The following ANXA3 variants were observed in gnomAD, a reference collection of about 807,000 sequenced individuals.
ANXA3 encodes the protein annexin A3.
In ANXA3, 46 loss-of-function variants were observed where a neutral mutation model predicts 48.8. That is an observed-to-expected ratio of 0.94 (90% CI 0.74 to 1.21). The LOEUF (loss-of-function observed/expected upper bound fraction) is 1.21, where lower values mean the gene tolerates loss of function less well. ANXA3 is among the 50% of genes most tolerant of loss of function. The probability of loss-of-function intolerance (pLI) is 0.00; values close to 1 mark genes in which losing one functional copy is unlikely to be tolerated. For missense variants in ANXA3, 383 were observed against 378.6 expected (o/e 1.01, Z -0.10); for synonymous variants, 128 against 134.7 (o/e 0.95, Z 0.35).
chr4:78,585,229 A>G (rs923628492), intron 5 of ANXA3, among the ~76,000 whole-genome samples: 1 of 152,238 alleles, frequency 6.6e-6, no homozygotes, highest in African/African-American at 2.4e-5. Context: ...TAGATTCACC[A>G]ATAAGTATTA....
chr4:78,568,653 C>G (rs1021073095), intron 2 of ANXA3, among the ~76,000 whole-genome samples: 4 of 152,220 alleles, frequency 2.6e-5, no homozygotes, highest in Non-Finnish European at 5.9e-5. Context: ...AAATGTTTAA[C>G]TTCTTGCAAA....
At chr4:78,569,933 A>G (rs1382597277) in intron 2 of ANXA3, among the ~76,000 whole-genome samples, 1 of 152,228 alleles carries the variant, frequency 6.6e-6, no homozygotes, top group Non-Finnish European at 1.5e-5. Flanking sequence ...AATTCACCTC[A>G]TGAAGGCTCT....
chr4:78,584,318 ACACACCAC>A, intron 5 of ANXA3, among the ~76,000 whole-genome samples: 1 of 152,118 alleles, frequency 6.6e-6, no homozygotes, highest in East Asian at 1.9e-4. Context: ...GACTGCAGGC[ACACACCAC>A]CACACCTGGC....
At chr4:78,598,480 G>A (rs139505117) in intron 10 of ANXA3, among the ~76,000 whole-genome samples, 1 of 152,106 alleles carries the variant, frequency 6.6e-6, no homozygotes, top group East Asian at 1.9e-4. Flanking sequence ...TTCTCAGACT[G>A]TTCCAGTGGT....
At chr4:78,573,106 T>C in intron 2 of ANXA3, 74 bp from the exon 3 acceptor site, 1 of 1,094,572 alleles carries the variant, frequency 9.1e-7, no homozygotes, top group Non-Finnish European at 1.4e-6. Flanking sequence ...CTCATATGCA[T>C]GAAGGAATAT....
At chr4:78,601,622 A>G in intron 11 of ANXA3, 54 bp downstream of exon 11, 1 of 1,426,138 alleles carries the variant, frequency 7.0e-7, no homozygotes. Flanking sequence ...CCCTTGGGAA[A>G]GTATGCAAAT....
rs757905507 is a variant in ANXA3, at chr4:78,586,307, G to T, written c.360G>T (p.Arg120Ser). ...EDALIEILTT[R>S]TSRQMKDISQ... is the part of the protein sequence containing the mutation. ...CCTTGATTGAAATCTTAACTACCAG[G>T]ACAAGCAGGCAAATGAAGGATATCT... Residue 120 changes from arginine (R) to serine (S), a missense_variant, in exon 6 of 13, where the codon AGG becomes AGT. By Grantham distance (110) the Arg-to-Ser change is moderately radical (BLOSUM62 -1). Coordinates refer to ENST00000264908, the MANE Select transcript of ANXA3 (RefSeq NM_005139.3). The T allele has an allele frequency of 2.0e-5, 33 of 1,613,628 alleles. No individual in the cohort carries two copies. Among genetic ancestry groups the T allele is most frequent in the Non-Finnish European group, 2.8e-5 (33 of 1,179,770 alleles).
intron 6 of ANXA3, among the ~76,000 whole-genome samples, chr4:78,590,657 C>A (rs1412337053): frequency 6.6e-6 from 1 of 152,036 alleles, no homozygotes; most frequent in African/African-American, 2.4e-5. Context: ...AAAGGGGCTA[C>A]AACTAGTCAG....
At chr4:78,588,518 A>C (rs1487770141) in intron 6 of ANXA3, among the ~76,000 whole-genome samples, 1 of 152,222 alleles carries the variant, frequency 6.6e-6, no homozygotes. Context: ...TGAGGCTATC[A>C]GAAACTGGAA....
intron 5 of ANXA3, among the ~76,000 whole-genome samples, chr4:78,583,951 G>T (rs1343043927): frequency 6.6e-6 from 1 of 152,134 alleles, no homozygotes; most frequent in Non-Finnish European, 1.5e-5. Flanking sequence ...TTATAGCCTG[G>T]CCAAGTTGGC....
chr4:78,570,764 A>G (rs1017866870), intron 2 of ANXA3, among the ~76,000 whole-genome samples: 1 of 152,210 alleles, frequency 6.6e-6, no homozygotes, highest in African/African-American at 2.4e-5. Context: ...TAATTAACAT[A>G]TATAAAGTGC....
chr4:78,564,014 A>G (rs967259186), intron 2 of ANXA3, among the ~76,000 whole-genome samples: 2 of 152,256 alleles, frequency 1.3e-5, no homozygotes, highest in South Asian at 4.1e-4. Flanking sequence ...ATTGTAGAAC[A>G]AAGAGATAAT....
chr4:78,604,412 T>C lies in ANXA3; in HGVS notation c.912+13T>C. On this transcript the variant is annotated intron_variant, in intron 12 of 12. Transcript: ENST00000264908. The stretch of plus-strand genomic sequence containing the variant: ...TTCAGCAATTAAAGTAAGTCTACTT[T>C]TAAAAATAGCAAAACATATTTTGCC... 1 of 1,605,302 alleles carries C rather than the reference T, an allele frequency of 6.2e-7. No individual in the cohort carries two copies.
In ANXA3 at chr4:78,610,162, C is replaced by G; in HGVS notation, c.*47C>G. ...GGTCCACGATGGGCTTTCCCAACAG[C>G]TCCACCTTACTTCTTCTCATACTAT... On this transcript the variant is annotated 3_prime_UTR_variant, in exon 13 of 13. Transcript: ENST00000264908. 7.5e-7 allele frequency: 1 copy of G among 1,326,598 alleles called. No individual in the cohort carries two copies. The highest frequency in any genetic ancestry group is 1.3e-5 in the South Asian group (1 of 79,698). 82.2% of individuals were successfully genotyped at this position (1,326,598 alleles called of 1,614,324 possible).
chr4:78,553,684 A>C (rs1004069954), intron 1 of ANXA3, among the ~76,000 whole-genome samples: 1 of 152,222 alleles, frequency 6.6e-6, no homozygotes, highest in Non-Finnish European at 1.5e-5. Context: ...GAAAAAACCA[A>C]GGTGAAATAT....
chr4:78,591,528 T>A lies in ANXA3; in HGVS notation c.404-16T>A. The A allele has an allele frequency of 1.3e-6, 2 of 1,575,442 alleles. No individual in the cohort carries two copies. The highest frequency in any genetic ancestry group is 1.7e-6 in the Non-Finnish European group (2 of 1,151,086). On this transcript the variant is annotated splice_polypyrimidine_tract_variant and intron_variant, in intron 6 of 12. Transcript: ENST00000264908. ...TCAGTTTGTCAAGGCTTAATTTCATTCTGATTTGGTTTCAGTATACAAGAA... is the reference window on the plus strand; with the variant it reads ...TCAGTTTGTCAAGGCTTAATTTCATACTGATTTGGTTTCAGTATACAAGAA...
intron 12 of ANXA3, among the ~76,000 whole-genome samples, chr4:78,608,313 A>T (rs1723693511): frequency 6.6e-6 from 1 of 152,168 alleles, no homozygotes; most frequent in South Asian, 2.1e-4. Context: ...AAATGTATGG[A>T]GGTAAGGGAG....
chr4:78,554,368 G>T, intron 1 of ANXA3, 68 bp from the exon 2 acceptor site: 1 of 1,106,470 alleles, frequency 9.0e-7, no homozygotes. Flanking sequence ...AAGATTAAGG[G>T]TTGGACTAAG....
Position 78,594,529 on chromosome 4 carries a change from A to G in ANXA3, c.484-852A>G, listed in dbSNP as rs565975308. Among the ~76,000 whole-genome samples, 8 of 152,310 alleles carry G rather than the reference A, an allele frequency of 5.3e-5. No individual in the cohort carries two copies. The South Asian group carries it at 1.4e-3, about 28-fold the overall frequency. ...AGTGAATGAGAGTTCCTGTTGCTCCACATTCTCACCAGTATTTGGTGTTGT... is the reference window on the plus strand; with the variant it reads ...AGTGAATGAGAGTTCCTGTTGCTCCGCATTCTCACCAGTATTTGGTGTTGT... On this transcript the variant is annotated intron_variant, in intron 7 of 12. Transcript: ENST00000264908.
Sources: gnomAD v4.1 joint callset for allele counts (sites outside exome capture counted in the v4.1 genomes callset) on GRCh38, gnomAD v4.1.1 for gene constraint, MANE v1.5 for transcripts, NCBI Gene and HGNC (gene_info 2026-07-23, HGNC 2026-07-21) for gene names.